PAPPA2: variants seen among roughly 807,000 people sequenced by gnomAD.
PAPPA2 encodes the protein pappalysin-2.
A neutral mutation model predicts 176.4 loss-of-function variants in PAPPA2; 86 were observed. That is an observed-to-expected ratio of 0.49 (90% CI 0.41 to 0.58). PAPPA2 has a LOEUF of 0.58. Ranked by LOEUF, PAPPA2 falls within the 20% of genes least tolerant of loss-of-function variation. PAPPA2 has a pLI of 0.00. For synonymous variants in PAPPA2, 809 were observed against 852.2 expected (o/e 0.95, Z 0.88); for missense variants, 2,073 against 2,256.9 (o/e 0.92, Z 1.65).
chr1:176,759,365 G>C (rs931334926), intron 14 of PAPPA2, among the ~76,000 whole-genome samples: 1 of 152,050 alleles, frequency 6.6e-6, no homozygotes, highest in African/African-American at 2.4e-5. Flanking sequence ...TTATCTTTCA[G>C]ATCTGTTTCT....
intron 3 of PAPPA2, among the ~76,000 whole-genome samples, chr1:176,662,539 CT>C (rs1658413941): frequency 6.6e-6 from 1 of 150,694 alleles, no homozygotes; most frequent in African/African-American, 2.4e-5. Context: ...ATTCTTTGCA[CT>C]TTTTCATGTG....
intron 5 of PAPPA2, chr1:176,691,300 C>A: frequency 2.2e-6 from 1 of 461,148 alleles, no homozygotes; most frequent in Non-Finnish European, 2.9e-6. Flanking sequence ...TAAACCACCA[C>A]ACCCTGGTCA....
chr1:176,695,966 ATGTGTGTGTG>A (rs67178111), intron 7 of PAPPA2, 107 bp downstream of exon 7: 231 of 865,734 alleles, frequency 2.7e-4, no homozygotes, highest in South Asian at 7.1e-4. Flanking sequence ...ATGTATGTGT[ATGTGTGTGTG>A]TGTGTGTGTG....
intron 4 of PAPPA2, among the ~76,000 whole-genome samples, chr1:176,684,670 T>A (rs190023041): frequency 2.0e-5 from 3 of 152,258 alleles, no homozygotes; most frequent in Middle Eastern, 3.4e-3. Flanking sequence ...ATATTCCCCA[T>A]AACTAGAGAG....
At chr1:176,749,947 G>T (rs144035520) in intron 14 of PAPPA2, among the ~76,000 whole-genome samples, 38 of 152,236 alleles carry the variant, frequency 2.5e-4, no homozygotes, top group Middle Eastern at 3.4e-3. Flanking sequence ...TCCACATGCA[G>T]GCTTTTCTAT....
At chr1:176,480,274 G>A (rs1481696909) in intron 1 of PAPPA2, among the ~76,000 whole-genome samples, 2 of 152,202 alleles carry the variant, frequency 1.3e-5, no homozygotes, top group African/African-American at 4.8e-5. Context: ...AGCTCCTGGG[G>A]CACCCGAAAG....
chr1:176,475,180 T>C (rs929313541), intron 1 of PAPPA2, among the ~76,000 whole-genome samples: 5 of 152,168 alleles, frequency 3.3e-5, no homozygotes, highest in Non-Finnish European at 7.4e-5. Context: ...ACGTGGCTCA[T>C]CTAAAACAAG....
intron 3 of PAPPA2, among the ~76,000 whole-genome samples, chr1:176,613,074 C>G (rs1289585540): frequency 6.6e-6 from 1 of 152,148 alleles, no homozygotes; most frequent in Non-Finnish European, 1.5e-5. Context: ...AGGCAGTTGT[C>G]TCTTGGGAGG....
chr1:176,713,435 A>C (rs186394794), intron 12 of PAPPA2, among the ~76,000 whole-genome samples: 1 of 152,290 alleles, frequency 6.6e-6, no homozygotes, highest in Admixed American at 6.5e-5. Context: ...CAAAGGGGAT[A>C]ATCAAAGTAA....
chr1:176,637,113 T>A (rs1427085637), intron 3 of PAPPA2, among the ~76,000 whole-genome samples: 1 of 151,996 alleles, frequency 6.6e-6, no homozygotes, highest in African/African-American at 2.4e-5. Context: ...GGGGATAGCG[T>A]GCATGAAAGT....
chr1:176,663,056 C>T (rs967314867), intron 3 of PAPPA2, among the ~76,000 whole-genome samples: 2 of 152,122 alleles, frequency 1.3e-5, no homozygotes, highest in African/African-American at 4.8e-5. Flanking sequence ...GCAGCCTTCA[C>T]GCAGGGATCA....
At chr1:176,665,781 G>A (rs1658607895) in intron 3 of PAPPA2, among the ~76,000 whole-genome samples, 1 of 152,096 alleles carries the variant, frequency 6.6e-6, no homozygotes, top group Non-Finnish European at 1.5e-5. Context: ...AGAAAAACAA[G>A]TCAACAGATT....
chr1:176,534,370 G>A (rs1322541446), intron 1 of PAPPA2, among the ~76,000 whole-genome samples: 1 of 152,008 alleles, frequency 6.6e-6, no homozygotes, highest in Non-Finnish European at 1.5e-5. Flanking sequence ...TTCCAGTCCC[G>A]ACCTCTCTCA....
At chr1:176,684,055 C>T (rs775664765) in intron 4 of PAPPA2, among the ~76,000 whole-genome samples, 1 of 152,134 alleles carries the variant, frequency 6.6e-6, no homozygotes, top group African/African-American at 2.4e-5. Context: ...ATTCACCATG[C>T]GGGCTAAACC....
intron 17 of PAPPA2, among the ~76,000 whole-genome samples, chr1:176,779,133 T>C (rs1664594350): frequency 1.3e-5 from 2 of 152,234 alleles, no homozygotes. Context: ...CTGTTTTATA[T>C]TGACTGCTAA....
intron 4 of PAPPA2, among the ~76,000 whole-genome samples, chr1:176,676,418 C>T (rs1250108224): frequency 2.0e-5 from 3 of 151,488 alleles, no homozygotes; most frequent in Admixed American, 2.0e-4. Flanking sequence ...TTAATGCATG[C>T]ACCAACTTGG....
intron 3 of PAPPA2, among the ~76,000 whole-genome samples, chr1:176,638,010 T>C (rs1016913570): frequency 6.6e-6 from 1 of 152,104 alleles, no homozygotes; most frequent in Non-Finnish European, 1.5e-5. Context: ...TTCTTTTTAG[T>C]TGAATTATCT....
Position 176,468,562 on chromosome 1 carries a change from G to T in PAPPA2, c.-917+5144G>T, listed in dbSNP as rs369777314. On this transcript the variant is annotated intron_variant, in intron 1 of 22. Transcript: ENST00000367662. ...TCAGCTCTAGCCCTCCTGCATGTGA[G>T]GTGGGCATGGAAAGAATCAGGGGGT... Among the ~76,000 whole-genome samples the T allele has an allele frequency of 7.9e-5, 12 of 152,288 alleles. No homozygotes were observed. The East Asian group carries it at 2.3e-3, about 29-fold the overall frequency.
intron 1 of PAPPA2, among the ~76,000 whole-genome samples, chr1:176,505,470 G>A (rs1350951578): frequency 1.3e-5 from 2 of 152,042 alleles, no homozygotes; most frequent in Non-Finnish European, 2.9e-5. Context: ...AGAGAAACAC[G>A]TGAAGTGAGC....
Sources: allele counts gnomAD v4.1 joint callset (sites outside exome capture counted in the v4.1 genomes callset), GRCh38; gene constraint gnomAD v4.1.1; transcripts MANE v1.5; gene names NCBI Gene and HGNC (gene_info 2026-07-23, HGNC 2026-07-21).